The following ADAMTS17 variants were observed in gnomAD, a reference collection of about 807,000 sequenced individuals.
The protein encoded by ADAMTS17 is ADAM metallopeptidase with thrombospondin type 1 motif 17.
Under a neutral mutation model 141.5 loss-of-function variants are expected in ADAMTS17, and 113 were observed. The observed-to-expected ratio is 0.80, with a 90% CI of 0.69 to 0.93. The LOEUF (loss-of-function observed/expected upper bound fraction) is 0.93. Among genes scored for constraint, ADAMTS17 ranks in the 40% least tolerant of loss-of-function variants. The pLI is 0.00. For synonymous variants in ADAMTS17, 768 were observed against 630.6 expected (o/e 1.22, Z -3.27); for missense variants, 1,659 against 1,517.9 (o/e 1.09, Z -1.54).
rs116004939 is a variant in ADAMTS17 at position 100,205,026 on chromosome 15, G to T, written c.1076-5603C>A. Among the ~76,000 whole-genome samples, 276 of 152,250 alleles carry T rather than the reference G, an allele frequency of 1.8e-3. 5 individuals are homozygous for T. Among genetic ancestry groups the T allele is most frequent in the African/African-American group, 6.4e-3 (265 of 41,548 alleles). ...CCATGTGAGCTGTTGCTTCATGATG[G>T]GGTTCTCAGTTATGGGTCAGAGTCA... On this transcript the variant is annotated intron_variant, in intron 7 of 21. Coordinates refer to ENST00000268070, the MANE Select transcript of ADAMTS17 (RefSeq NM_139057.4).
At chr15:100,214,083 G>A (rs1461687404) in intron 7 of ADAMTS17, among the ~76,000 whole-genome samples, 2 of 152,162 alleles carry the variant, frequency 1.3e-5, no homozygotes, top group African/African-American at 2.4e-5. Context: ...TGCCAAAAAA[G>A]CCTGGATAGA....
At chr15:100,278,479 GC>G (rs1471017847) in intron 4 of ADAMTS17, among the ~76,000 whole-genome samples, 1 of 152,172 alleles carries the variant, frequency 6.6e-6, no homozygotes, top group Non-Finnish European at 1.5e-5. Context: ...CAGATCCCTG[GC>G]CCAGGTCCCA....
chr15:100,254,040 T>A (rs2043244370), intron 7 of ADAMTS17, 96 bp downstream of exon 7: 3 of 1,192,924 alleles, frequency 2.5e-6, no homozygotes, highest in Non-Finnish European at 3.8e-6. Flanking sequence ...TGTGCAGTGC[T>A]TGTTTGAGGA....
chr15:100,027,729 C>T (rs905067894), intron 18 of ADAMTS17, among the ~76,000 whole-genome samples: 1 of 152,222 alleles, frequency 6.6e-6, no homozygotes, highest in East Asian at 1.9e-4. Flanking sequence ...CTCATGGATA[C>T]AGCGTCCTCA....
In ADAMTS17 at chr15:100,339,541, T is replaced by C. The variant is rs988548038; in HGVS notation, c.450+1498A>G. On this transcript the variant is annotated intron_variant, in intron 2 of 21. Coordinates refer to ENST00000268070, the MANE Select transcript of ADAMTS17 (RefSeq NM_139057.4). The stretch of plus-strand genomic sequence containing the variant: ...CAGTGATCTGAGCCTTTCTCACTCC[T>C]ACTTAAGCCTCCTTGCCTACAACCC... Among the ~76,000 whole-genome samples, 3 of 151,996 alleles carry C rather than the reference T, an allele frequency of 2.0e-5. No homozygotes were observed. In the South Asian group the frequency reaches 6.2e-4, roughly 32 times the overall value.
At chr15:99,999,663 G>C (rs2060879778) in intron 18 of ADAMTS17, among the ~76,000 whole-genome samples, 1 of 152,160 alleles carries the variant, frequency 6.6e-6, no homozygotes. Context: ...TGAGAGAGGA[G>C]TGACATGTTC....
chr15:100,132,562 G>C (rs1283244086), intron 11 of ADAMTS17, among the ~76,000 whole-genome samples: 1 of 152,240 alleles, frequency 6.6e-6, no homozygotes, highest in Non-Finnish European at 1.5e-5. Context: ...GGCACAGCCA[G>C]CTCCACGTGA....
chr15:100,328,987 T>A (rs1441187806), intron 3 of ADAMTS17, among the ~76,000 whole-genome samples: 1 of 152,214 alleles, frequency 6.6e-6, no homozygotes, highest in African/African-American at 2.4e-5. Context: ...GGTTTAACAG[T>A]CCTTAGCGAT....
At chr15:100,161,101 T>C (rs548045891) in intron 8 of ADAMTS17, among the ~76,000 whole-genome samples, 2 of 152,330 alleles carry the variant, frequency 1.3e-5, no homozygotes, top group East Asian at 3.9e-4. Flanking sequence ...CCCAGCTTTA[T>C]CAGACACAGT....
intron 21 of ADAMTS17, among the ~76,000 whole-genome samples, chr15:99,974,849 CACTT>C (rs755292498): frequency 4.6e-5 from 7 of 152,232 alleles, no homozygotes; most frequent in Non-Finnish European, 7.3e-5. Flanking sequence ...AGCTAAGTGG[CACTT>C]ACTATTTTGT....
intron 15 of ADAMTS17, among the ~76,000 whole-genome samples, chr15:100,085,330 AT>A (rs1306407676): frequency 6.8e-6 from 1 of 147,654 alleles, no homozygotes; most frequent in African/African-American, 2.6e-5. Context: ...CCTCCAAGAA[AT>A]ATGGGACTAT....
chr15:100,163,099 T>A (rs2039805356), intron 8 of ADAMTS17, among the ~76,000 whole-genome samples: 2 of 151,114 alleles, frequency 1.3e-5, no homozygotes, highest in African/African-American at 4.9e-5. Context: ...TCTATATAGT[T>A]CTCTATAGGT....
chr15:100,122,647 A>G (rs1489026577), intron 12 of ADAMTS17, among the ~76,000 whole-genome samples: 1 of 152,238 alleles, frequency 6.6e-6, no homozygotes, highest in South Asian at 2.1e-4. Flanking sequence ...TCACATAATT[A>G]ACATGTTTTG....
chr15:99,997,588 AC>A lies in ADAMTS17; in HGVS notation c.2592del (p.Trp865GlyfsTer22). 6.8e-6 allele frequency: 11 copies of A among 1,610,570 alleles called. No individual in the cohort carries two copies. Among genetic ancestry groups the A allele is most frequent in the Non-Finnish European group, 9.3e-6 (11 of 1,178,724 alleles). On this transcript the variant is annotated frameshift_variant and splice_region_variant, in exon 19 of 22. Coordinates refer to ENST00000268070, the MANE Select transcript of ADAMTS17 (RefSeq NM_139057.4). LOFTEE classifies it high-confidence loss of function. This position sits in a 1 kb window ranked among gnomAD's most constrained non-coding sequence, Gnocchi z 4.7. ...CAGGGGCTCCACGGGCCTGCCACCC[AC>A]CTGCCAGACGGGAGGAAAGAGAGAG... Reference protein sequence around the residue: ...RRCNLHPCQSRWVAGPWSPCS... With the variant: ...RRCNLHPCQSXWVAGPWSPCS...
intron 6 of ADAMTS17, among the ~76,000 whole-genome samples, chr15:100,256,267 G>A (rs2043323529): frequency 6.6e-6 from 1 of 152,198 alleles, no homozygotes; most frequent in Non-Finnish European, 1.5e-5. Context: ...CCTCGAGGCT[G>A]ACTTGGATCT....
At chr15:100,188,169 CG>C (rs933609366) in intron 8 of ADAMTS17, among the ~76,000 whole-genome samples, 1 of 151,970 alleles carries the variant, frequency 6.6e-6, no homozygotes, top group Non-Finnish European at 1.5e-5. Context: ...CTCCACCTCC[CG>C]GGTTTAAGGG....
At chr15:100,127,094 G>A (rs2037775884) in intron 12 of ADAMTS17, among the ~76,000 whole-genome samples, 1 of 152,138 alleles carries the variant, frequency 6.6e-6, no homozygotes, top group South Asian at 2.1e-4. Context: ...GGGTCCTGGG[G>A]TTAGAATGCT....
intron 10 of ADAMTS17, among the ~76,000 whole-genome samples, chr15:100,142,322 C>T (rs1442369266): frequency 1.3e-5 from 2 of 152,082 alleles, no homozygotes; most frequent in Admixed American, 6.6e-5. Flanking sequence ...GGGATTTTGC[C>T]CAGGTAGAGG....
intron 18 of ADAMTS17, among the ~76,000 whole-genome samples, chr15:100,045,233 G>A (rs556297498): frequency 3.9e-5 from 6 of 152,058 alleles, no homozygotes; most frequent in African/African-American, 7.2e-5. Flanking sequence ...AAGTAATCAC[G>A]TTAAAAATTA....
Sources: allele counts gnomAD v4.1 joint callset (sites outside exome capture counted in the v4.1 genomes callset), GRCh38; gene constraint gnomAD v4.1.1; non-coding constraint Gnocchi (gnomAD v3.1); transcripts MANE v1.5; gene names NCBI Gene and HGNC (gene_info 2026-07-23, HGNC 2026-07-21).